The following LRRC9 variants were observed in gnomAD, a reference collection of about 807,000 sequenced individuals.
LRRC9 encodes leucine rich repeat containing 9, also known as leucine-rich repeat-containing protein 9.
LRRC9 carries 122 observed loss-of-function variants against 63.2 expected under a neutral mutation model. The ratio of observed to expected loss-of-function variants is 1.93; its 90% confidence interval spans 1.67 to 2.24. LRRC9 has a LOEUF of 2.24. LRRC9 is among the 30% of genes most tolerant of loss of function. The pLI is 0.00. For synonymous variants in LRRC9, 366 were observed against 213.1 expected (o/e 1.72, Z -6.25); for missense variants, 1,071 against 627.7 (o/e 1.71, Z -7.55).
At position 59,931,076 on chromosome 14, in the gene LRRC9, A is replaced by G. The variant is rs546319229; in HGVS notation, c.408+18A>G. The G allele has an allele frequency of 7.4e-5, 26 of 353,526 alleles. No individual in the cohort carries two copies. The South Asian group carries it at 1.1e-3, about 15-fold the overall frequency. The allele number at this position is 353,526 out of a possible 1,614,324, so 21.9% of individuals were successfully genotyped here. A position where few individuals can be genotyped will look rare whatever the true frequency, so the allele number is the denominator to read the frequency against. Reference sequence around the variant, plus strand: ...ATATTGAGGTAAGATAATAATTTCAATTATCTATATGTAAAGCCAGTTACT... The same window carrying G: ...ATATTGAGGTAAGATAATAATTTCAGTTATCTATATGTAAAGCCAGTTACT... On this transcript the variant is annotated intron_variant, in intron 4 of 31. Coordinates refer to ENST00000445360, the Ensembl canonical transcript of LRRC9.
At chr14:59,977,452 G>T in intron 14 of LRRC9, 105 bp downstream of exon 14, 2 of 555,366 alleles carry the variant, frequency 3.6e-6, no homozygotes, top group African/African-American at 1.9e-5. Context: ...AAAGTTTGTA[G>T]AATTTTCTAC....
chr14:60,048,826 A>G (rs936107470), intron 29 of LRRC9, among the ~76,000 whole-genome samples: 4 of 152,204 alleles, frequency 2.6e-5, no homozygotes, highest in Admixed American at 1.3e-4. Context: ...CCTGGCAGAG[A>G]TACAACAAAA....
intron 17 of LRRC9, among the ~76,000 whole-genome samples, chr14:59,992,266 GA>G (rs1322270531): frequency 9.2e-5 from 14 of 152,244 alleles, no homozygotes; most frequent in Non-Finnish European, 1.8e-4. Flanking sequence ...CTGTTAGAAG[GA>G]AAACTAACAA....
intron 10 of LRRC9, among the ~76,000 whole-genome samples, chr14:59,961,259 C>T (rs1484230222): frequency 2.6e-5 from 4 of 152,156 alleles, no homozygotes; most frequent in Non-Finnish European, 5.9e-5. Flanking sequence ...TTACCGTGAG[C>T]CAACCTTGAA....
intron 13 of LRRC9, among the ~76,000 whole-genome samples, chr14:59,976,888 C>A (rs1886341724): frequency 6.6e-6 from 1 of 152,190 alleles, no homozygotes; most frequent in South Asian, 2.1e-4. Flanking sequence ...TGCTACTGAA[C>A]TTTTACCCAG....
At chr14:59,959,974 T>C (rs1164605604) in exon 9 of LRRC9, 1 of 686,632 alleles carries the variant, frequency 1.5e-6, no homozygotes, top group South Asian at 1.6e-5. Context: ...ACTAAATGCC[T>C]TGAATGAAAG....
At position 59,979,957 on chromosome 14, in the gene LRRC9, T is replaced by TA. The variant is rs1342612922; in HGVS notation, c.1878+1828dup. 3.9e-5 allele frequency among the ~76,000 whole-genome samples: 6 copies of TA among 152,126 alleles called. No homozygotes were observed. The East Asian group carries it at 1.2e-3, about 30-fold the overall frequency. ...CATTGTGCACATGTACCCTAATACT[T>TA]AAAGTATAATAATAATAAAATTAAA... On this transcript the variant is annotated intron_variant, in intron 15 of 31. Transcript: ENST00000445360.
At chr14:60,002,505 T>C (rs957194629) in intron 20 of LRRC9, among the ~76,000 whole-genome samples, 1 of 152,232 alleles carries the variant, frequency 6.6e-6, no homozygotes, top group African/African-American at 2.4e-5. Flanking sequence ...ATTGAGATTA[T>C]ACAGTTTTTA....
At position 59,982,473 on chromosome 14, in the gene LRRC9, G is replaced by A. The variant is rs561702605; in HGVS notation, c.2091+413G>A. On this transcript the variant is annotated intron_variant, in intron 16 of 31. Coordinates refer to ENST00000445360, the Ensembl canonical transcript of LRRC9. Reference sequence around the variant, plus strand: ...GAGCATGGTGCCTGCATCTGGTGAGGGCCTTGCAGTGTCATAAAATGGCAG... The same window carrying A: ...GAGCATGGTGCCTGCATCTGGTGAGAGCCTTGCAGTGTCATAAAATGGCAG... Among the ~76,000 whole-genome samples, 3 of 152,210 alleles carry A rather than the reference G, an allele frequency of 2.0e-5. No homozygotes were observed. The East Asian group carries it at 5.8e-4, about 29-fold the overall frequency.
At chr14:60,002,484 G>C (rs1166983826) in intron 20 of LRRC9, among the ~76,000 whole-genome samples, 1 of 151,966 alleles carries the variant, frequency 6.6e-6, no homozygotes, top group African/African-American at 2.4e-5. Context: ...CTATTTTAGA[G>C]TTCATATATA....
chr14:60,060,124 A>G lies in LRRC9; in HGVS notation c.4276+2102A>G, dbSNP rs1187331281. 1.3e-5 allele frequency among the ~76,000 whole-genome samples: 2 copies of G among 152,220 alleles called. No homozygotes were observed. Among genetic ancestry groups the G allele is most frequent in the Non-Finnish European group, 2.9e-5 (2 of 68,040 alleles). ...TCCTAGGGCTCTTAAGAATTATGCT[A>G]AATCTACTTTGTCTATGCTCTATCA... On this transcript the variant is annotated intron_variant, in intron 31 of 31. Transcript: ENST00000445360. The surrounding 1 kb of genome is among the most constrained non-coding windows in gnomAD (Gnocchi z 4.0).
chr14:60,019,135 C>T (rs1002516118), exon 26 of LRRC9: 1 of 692,366 alleles, frequency 1.4e-6, no homozygotes, highest in East Asian at 2.7e-5. Context: ...TATGCCTTAA[C>T]TATAATCATA....
chr14:59,957,960 G>A (rs1469942438), intron 8 of LRRC9, among the ~76,000 whole-genome samples: 2 of 152,192 alleles, frequency 1.3e-5, no homozygotes, highest in African/African-American at 4.8e-5. Context: ...AGTGGAGGCT[G>A]CAGAATAGCA....
chr14:59,985,804 G>T (rs1160249114), intron 17 of LRRC9, among the ~76,000 whole-genome samples: 2 of 152,048 alleles, frequency 1.3e-5, no homozygotes, highest in South Asian at 2.1e-4. Flanking sequence ...TCTAAAACAG[G>T]TCTTAGGTTG....
At chr14:60,018,263 G>C (rs1342035167) in intron 24 of LRRC9, 108 bp from the exon 25 acceptor site, 6 of 656,664 alleles carry the variant, frequency 9.1e-6, no homozygotes, top group Non-Finnish European at 1.7e-5. Flanking sequence ...TACTTGTCAG[G>C]TGAGACTTTT....
intron 23 of LRRC9, among the ~76,000 whole-genome samples, chr14:60,015,081 T>C (rs1890569395): frequency 6.6e-6 from 1 of 152,150 alleles, no homozygotes; most frequent in Non-Finnish European, 1.5e-5. Context: ...TCCCTATCCA[T>C]TGCATTTATT....
At chr14:59,974,192 T>G (rs985344780) in intron 12 of LRRC9, among the ~76,000 whole-genome samples, 1 of 152,082 alleles carries the variant, frequency 6.6e-6, no homozygotes, top group East Asian at 1.9e-4. Context: ...CCAAAAATTA[T>G]AGTATAAACA....
Position 60,044,914 on chromosome 14 carries a change from G to A in LRRC9, c.3991-8151G>A, listed in dbSNP as rs534887553. On this transcript the variant is annotated intron_variant, in intron 29 of 31. Coordinates refer to ENST00000445360, the Ensembl canonical transcript of LRRC9. ...AGTCCACTACTATTATTGTGTTGCA[G>A]TCTGTCTCTTTCTTTAGGTCTATTA... Among the ~76,000 whole-genome samples the A allele has an allele frequency of 8.7e-4, 133 of 152,266 alleles. 1 individual carries two copies. Among genetic ancestry groups the A allele is most frequent in the African/African-American group, 3.1e-3 (130 of 41,554 alleles).
At chr14:60,020,155 C>T (rs552249365) in intron 26 of LRRC9, among the ~76,000 whole-genome samples, 1 of 151,894 alleles carries the variant, frequency 6.6e-6, no homozygotes, top group African/African-American at 2.4e-5. Context: ...GATCTGCTCT[C>T]TCGCTATAAT....
Sources: gnomAD v4.1 joint callset for allele counts (sites outside exome capture counted in the v4.1 genomes callset) on GRCh38, gnomAD v4.1.1 for gene constraint, Gnocchi (gnomAD v3.1) non-coding constraint, MANE v1.5 for transcripts, NCBI Gene and HGNC (gene_info 2026-07-23, HGNC 2026-07-21) for gene names.